The following ATF3 variants were observed in gnomAD, a reference collection of about 807,000 sequenced individuals.
The protein encoded by ATF3 is activating transcription factor 3.
Under a neutral mutation model 18.4 loss-of-function variants are expected in ATF3, and 10 were observed. The observed-to-expected ratio is 0.54, with a 90% CI of 0.34 to 0.92. The LOEUF (loss-of-function observed/expected upper bound fraction) is 0.92. ATF3 is among the 40% of genes least tolerant of loss of function. The pLI is 0.02. For synonymous variants in ATF3, 78 were observed against 87.9 expected, an observed-to-expected ratio of 0.89 and a Z score of 0.63; for missense variants, 183 against 222.3, an observed-to-expected ratio of 0.82 and a Z score of 1.12.
chr1:212,585,654 A>C (rs546480285), intron 1 of ATF3, among the ~76,000 whole-genome samples: 1 of 152,178 alleles, frequency 6.6e-6, no homozygotes, highest in Non-Finnish European at 1.5e-5. Context: ...TGTAATTCTT[A>C]GTTTCTGAAC....
upstream of ATF3, among the ~76,000 whole-genome samples, chr1:212,607,797 C>T (rs531626816): frequency 6.6e-6 from 1 of 152,260 alleles, no homozygotes; most frequent in African/African-American, 2.4e-5. Context: ...GGCTTCCGCC[C>T]CCTCCTACCC....
intron 1 of ATF3, among the ~76,000 whole-genome samples, chr1:212,609,387 G>GGC (rs1654794256): frequency 1.4e-5 from 2 of 140,372 alleles, no homozygotes; most frequent in African/African-American, 5.1e-5. Flanking sequence ...GGGGGGGGGG[G>GGC]GCGCAGAGAG....
chr1:212,594,020 T>A (rs1472162127), intron 1 of ATF3, among the ~76,000 whole-genome samples: 1 of 152,210 alleles, frequency 6.6e-6, no homozygotes, highest in East Asian at 1.9e-4. Flanking sequence ...TCACTCAGAG[T>A]CACACACATC....
intron 1 of ATF3, among the ~76,000 whole-genome samples, chr1:212,584,176 A>AG (rs1664736567): frequency 7.3e-6 from 1 of 136,918 alleles, no homozygotes; most frequent in African/African-American, 2.6e-5. Context: ...ACCAATATGT[A>AG]TTTATGAACA....
chr1:212,584,123 C>T (rs181943281), intron 1 of ATF3, among the ~76,000 whole-genome samples: 1 of 152,056 alleles, frequency 6.6e-6, no homozygotes, highest in East Asian at 1.9e-4. Context: ...TCTTAAAGTC[C>T]CCCAAAGAGA....
rs376379895 is a variant in ATF3, at chr1:212,601,848, T to C, written c.-4-13170T>C. On this transcript the variant is annotated intron_variant, in intron 1 of 3. Coordinates refer to the ATF3 transcript ENST00000366981. ...TCAGGTTTCCATATGACTTGGTAGCTTCAAGGGTAAGGCGTGAAGAGGGAA... is the reference window on the plus strand; with the variant it reads ...TCAGGTTTCCATATGACTTGGTAGCCTCAAGGGTAAGGCGTGAAGAGGGAA... 2.6e-5 allele frequency among the ~76,000 whole-genome samples: 4 copies of C among 152,316 alleles called. No homozygotes were observed. In the East Asian group the frequency reaches 7.7e-4, roughly 29 times the overall value.
At chr1:212,593,549 C>T (rs1170625178) in intron 1 of ATF3, among the ~76,000 whole-genome samples, 1 of 151,328 alleles carries the variant, frequency 6.6e-6, no homozygotes, top group Non-Finnish European at 1.5e-5. Flanking sequence ...AGCCTGGGCA[C>T]CAAAGTGAGA....
chr1:212,606,002 C>T (rs1373052971), upstream of ATF3, among the ~76,000 whole-genome samples: 1 of 152,214 alleles, frequency 6.6e-6, no homozygotes, highest in African/African-American at 2.4e-5. Flanking sequence ...TTTCTGTCCC[C>T]TCCACTTCAT....
intron 1 of ATF3, among the ~76,000 whole-genome samples, chr1:212,610,528 G>A (rs1013483533): frequency 6.6e-6 from 1 of 152,218 alleles, no homozygotes; most frequent in African/African-American, 2.4e-5. Flanking sequence ...AATGGTTTCA[G>A]AGACAGCAAA....
At chr1:212,577,922 T>C (rs2102624772) in intron 1 of ATF3, among the ~76,000 whole-genome samples, 1 of 152,366 alleles carries the variant, frequency 6.6e-6, no homozygotes, top group African/African-American at 2.4e-5. Context: ...ACTGTTTTCA[T>C]TTCCTTTGAA....
upstream of ATF3, among the ~76,000 whole-genome samples, chr1:212,608,082 C>T (rs1009643036): frequency 1.3e-5 from 2 of 152,202 alleles, no homozygotes; most frequent in African/African-American, 4.8e-5. Context: ...TCGCGGTCCC[C>T]GCCGCAGAGG....
At chr1:212,583,582 G>GA (rs11374951) in intron 1 of ATF3, among the ~76,000 whole-genome samples, 40,900 of 152,108 alleles carry the variant, frequency 0.27, 6,126 homozygotes, top group South Asian at 0.37. Context: ...GGATCCTGTT[G>GA]AAAGCTGGCA....
chr1:212,617,700 G>A (rs910637608), intron 2 of ATF3, among the ~76,000 whole-genome samples: 11 of 152,144 alleles, frequency 7.2e-5, no homozygotes, highest in Non-Finnish European at 1.0e-4. Flanking sequence ...AGAAGAGGCC[G>A]GGAGTGGGTG....
rs370907615 is a variant in ATF3 at position 212,619,140 on chromosome 1, C to T, written c.349-218C>T. 33 of 1,613,908 alleles carry T rather than the reference C, an allele frequency of 2.0e-5. No homozygotes were observed. Among genetic ancestry groups the T allele is most frequent in the Middle Eastern group, 1.6e-4 (1 of 6,066 alleles). ...ACTGCAGCTTCAGTATTAGCAGAGC[C>T]ACAGGCCGCCTCTGTGGCATCACCA... On this transcript the variant is annotated intron_variant, in intron 3 of 3. Transcript: ENST00000341491. This position sits in a 1 kb window ranked among gnomAD's most constrained non-coding sequence, Gnocchi z 4.4.
chr1:212,610,994 T>C (rs547772192), intron 1 of ATF3, among the ~76,000 whole-genome samples: 1 of 152,194 alleles, frequency 6.6e-6, no homozygotes, highest in African/African-American at 2.4e-5. Flanking sequence ...TGAGAGGGTG[T>C]GATTTCCATT....
At chr1:212,568,600 T>A (rs1571752776) in intron 1 of ATF3, among the ~76,000 whole-genome samples, 2 of 152,262 alleles carry the variant, frequency 1.3e-5, no homozygotes, top group East Asian at 3.9e-4. Context: ...GGCAAATCAA[T>A]CCAAAATGGC....
At chr1:212,579,492 A>G (rs569946835) in intron 1 of ATF3, among the ~76,000 whole-genome samples, 77 of 152,232 alleles carry the variant, frequency 5.1e-4, no homozygotes, top group Non-Finnish European at 9.7e-4. Context: ...GATGGCTAAC[A>G]TGTCAAAAAC....
chr1:212,597,719 C>T (rs1654351687), intron 1 of ATF3, among the ~76,000 whole-genome samples: 1 of 152,120 alleles, frequency 6.6e-6, no homozygotes, highest in East Asian at 1.9e-4. Context: ...GAACTTGAAC[C>T]TTGGCCCGAG....
intron 1 of ATF3, among the ~76,000 whole-genome samples, chr1:212,592,219 C>G (rs894925680): frequency 1.3e-5 from 2 of 152,122 alleles, no homozygotes; most frequent in African/African-American, 4.8e-5. Flanking sequence ...TTGACCATTC[C>G]AGACACTTCA....
Sources: gnomAD v4.1 joint callset for allele counts (sites outside exome capture counted in the v4.1 genomes callset) on GRCh38, gnomAD v4.1.1 for gene constraint, Gnocchi (gnomAD v3.1) non-coding constraint, MANE v1.5 for transcripts, NCBI Gene and HGNC (gene_info 2026-07-23, HGNC 2026-07-21) for gene names.